The following GYS2 variants were observed in gnomAD, a reference collection of about 807,000 sequenced individuals.
The protein encoded by GYS2 is glycogen [starch] synthase, liver.
In GYS2, 80 loss-of-function variants were observed where a neutral mutation model predicts 85.6. The observed-to-expected ratio is 0.93, with a 90% CI of 0.78 to 1.13. The LOEUF (loss-of-function observed/expected upper bound fraction) is 1.13. GYS2 is among the 50% of genes most tolerant of loss of function. GYS2 has a pLI of 0.00. For synonymous variants in GYS2, 328 were observed against 300.7 expected (o/e 1.09, Z -0.94); for missense variants, 881 against 854.9 (o/e 1.03, Z -0.38).
chr12:21,534,697 T>C (rs913991139), downstream of GYS2, among the ~76,000 whole-genome samples: 1 of 152,166 alleles, frequency 6.6e-6, no homozygotes, highest in Non-Finnish European at 1.5e-5. Flanking sequence ...CCATTGTAAG[T>C]TGAGGAGCAC....
At chr12:21,597,610 T>C (rs2136934669) in intron 1 of GYS2, among the ~76,000 whole-genome samples, 1 of 152,106 alleles carries the variant, frequency 6.6e-6, no homozygotes, top group East Asian at 1.9e-4. Flanking sequence ...AGCATGCAAA[T>C]TAGTATAGCC....
chr12:21,585,153 C>T (rs926865460), intron 1 of GYS2, among the ~76,000 whole-genome samples: 1 of 152,108 alleles, frequency 6.6e-6, no homozygotes. Context: ...CACCATCACC[C>T]CTAGTGTTCC....
At chr12:21,549,302 G>A (rs534942489) in intron 11 of GYS2, among the ~76,000 whole-genome samples, 1 of 152,204 alleles carries the variant, frequency 6.6e-6, no homozygotes, top group Admixed American at 6.5e-5. Context: ...AAAGTACTGG[G>A]AATCCCACAT....
intron 5 of GYS2, among the ~76,000 whole-genome samples, chr12:21,566,620 A>G (rs1035095249): frequency 9.9e-5 from 15 of 152,090 alleles, no homozygotes; most frequent in African/African-American, 2.9e-4. Context: ...ATAATAATCG[A>G]TATTTTCTAA....
intron 13 of GYS2, 54 bp downstream of exon 13, chr12:21,542,442 T>G: frequency 9.6e-7 from 1 of 1,041,604 alleles, no homozygotes; most frequent in South Asian, 1.3e-5. Context: ...CCCTGTGCTT[T>G]GTTTGGTTAG....
intron 1 of GYS2, among the ~76,000 whole-genome samples, chr12:21,587,259 G>C (rs1944584504): frequency 6.6e-6 from 1 of 152,144 alleles, no homozygotes; most frequent in African/African-American, 2.4e-5. Context: ...TTCAGGTGAT[G>C]GTCCACTAAA....
chr12:21,552,645 A>T (rs995560533), intron 11 of GYS2, among the ~76,000 whole-genome samples: 2 of 152,190 alleles, frequency 1.3e-5, no homozygotes, highest in Non-Finnish European at 2.9e-5. Flanking sequence ...TGGCTGCCTT[A>T]TGATAATAAA....
chr12:21,592,711 T>G (rs2136928637), intron 1 of GYS2, among the ~76,000 whole-genome samples: 1 of 152,188 alleles, frequency 6.6e-6, no homozygotes. Flanking sequence ...CATTCTAATC[T>G]CAGCATCAGA....
In GYS2 at chr12:21,537,097, T is replaced by C; in HGVS notation, c.1969A>G (p.Ser657Gly). ...SGSQASSPQS[S>G]DVEDEVEDER... The stretch of plus-strand genomic sequence containing the variant: ...TCCTCCACTTCATCTTCCACATCAC[T>C]GCTCTGAGGACTGGAGGCCTGAGAC... Residue 657 changes from serine (S) to glycine (G), a missense_variant, in exon 16 of 16, where the codon AGT becomes GGT. Ser to Gly is a moderately conservative substitution (Grantham distance 56). Transcript: ENST00000261195. 6.2e-7 allele frequency: 1 copy of C among 1,613,794 alleles called. No individual in the cohort carries two copies.
intron 1 of GYS2, among the ~76,000 whole-genome samples, chr12:21,593,488 A>G (rs1230379683): frequency 6.6e-6 from 1 of 151,948 alleles, no homozygotes; most frequent in African/African-American, 2.4e-5. Context: ...ATTATGAACA[A>G]CCATACACTA....
Position 21,546,377 on chromosome 12 carries a change from G to C in GYS2, c.1516C>G (p.Pro506Ala), listed in dbSNP as rs267603421. The C allele has an allele frequency of 6.2e-7, 1 of 1,601,868 alleles. No individual in the cohort carries two copies. Among genetic ancestry groups the C allele is most frequent in the Non-Finnish European group, 8.6e-7 (1 of 1,169,468 alleles). ...TAACCCCAGGGTTCATAGTATGATG[G>C]AAATACTCCAAGATGACAACCTCTA... The part of the protein sequence containing the change: ...FVRGCHLGVF[P>A]SYYEPWGYTP... The change falls in exon 12 of 16, where the codon CCA becomes GCA. Residue 506 changes from proline (P) to alanine (A), a missense_variant. Transcript: ENST00000261195.
intron 11 of GYS2, among the ~76,000 whole-genome samples, chr12:21,552,298 T>G (rs1944121575): frequency 6.6e-6 from 1 of 152,242 alleles, no homozygotes; most frequent in Non-Finnish European, 1.5e-5. Context: ...CATGAAATCT[T>G]CAGCCTGGGC....
rs1358306136 is a variant in GYS2 at position 21,536,359 on chromosome 12, T to G, written c.*595A>C. ...CTTGCATTAATTACAACATCAATTC[T>G]AGATTTCAAAAGTGACATAAATGTC... On this transcript the variant is annotated 3_prime_UTR_variant, in exon 16 of 16. Coordinates refer to ENST00000261195, the MANE Select transcript of GYS2 (RefSeq NM_021957.4). 1.3e-5 allele frequency: 2 copies of G among 154,532 alleles called. No homozygotes were observed. The highest frequency in any genetic ancestry group is 2.9e-5 in the Non-Finnish European group (2 of 69,560). 9.6% of individuals were successfully genotyped at this position (154,532 alleles called of 1,614,324 possible). A position where few individuals can be genotyped will look rare whatever the true frequency, so the allele number is the denominator to read the frequency against.
chr12:21,545,890 A>G (rs1055868783), intron 12 of GYS2, among the ~76,000 whole-genome samples: 1 of 152,206 alleles, frequency 6.6e-6, no homozygotes, highest in Non-Finnish European at 1.5e-5. Context: ...TGTGTTACCC[A>G]TTACATATTA....
intron 12 of GYS2, among the ~76,000 whole-genome samples, chr12:21,544,152 A>G (rs73236800): frequency 0.056 from 8,490 of 152,246 alleles, 752 homozygotes; most frequent in African/African-American, 0.18. Flanking sequence ...AAACATTAGC[A>G]AGTTATCTAA....
At chr12:21,591,495 A>G (rs1944638559) in intron 1 of GYS2, among the ~76,000 whole-genome samples, 1 of 152,212 alleles carries the variant, frequency 6.6e-6, no homozygotes. Context: ...CATATGAGGC[A>G]CTATAAAGTG....
chr12:21,558,805 T>A lies in GYS2; in HGVS notation c.1308+286A>T, dbSNP rs575856357. Among the ~76,000 whole-genome samples, 9 of 152,320 alleles carry A rather than the reference T, an allele frequency of 5.9e-5. No individual in the cohort carries two copies. In the East Asian group the frequency reaches 1.3e-3, roughly 23 times the overall value. On this transcript the variant is annotated intron_variant, in intron 10 of 15. Transcript: ENST00000261195. ...TCTATGTTTTGGAAGTATTTAGGACTTTTTTGTAGTTACTAAACTATACAT... is the reference window on the plus strand; with the variant it reads ...TCTATGTTTTGGAAGTATTTAGGACATTTTTGTAGTTACTAAACTATACAT...
intron 1 of GYS2, among the ~76,000 whole-genome samples, chr12:21,596,681 A>T (rs889497181): frequency 2.0e-5 from 3 of 152,146 alleles, no homozygotes; most frequent in Non-Finnish European, 4.4e-5. Flanking sequence ...TCCCTCTGAG[A>T]ACTGGAACAA....
intron 1 of GYS2, among the ~76,000 whole-genome samples, chr12:21,597,029 C>CTAATTGAA (rs1442656035): frequency 6.6e-6 from 1 of 151,922 alleles, no homozygotes; most frequent in East Asian, 1.9e-4. Flanking sequence ...AATACAACCC[C>CTAATTGAA]TATTTATTGC....
Sources: allele counts gnomAD v4.1 joint callset (sites outside exome capture counted in the v4.1 genomes callset), GRCh38; gene constraint gnomAD v4.1.1; transcripts MANE v1.5; gene names NCBI Gene and HGNC (gene_info 2026-07-23, HGNC 2026-07-21).